The following ARSB variants were observed in gnomAD, a reference collection of about 807,000 sequenced individuals.
The protein encoded by ARSB is N-acetylgalactosamine-4-sulfatase.
A neutral mutation model predicts 50.9 loss-of-function variants in ARSB; 41 were observed. That is an observed-to-expected ratio of 0.81 (90% CI 0.63 to 1.04). ARSB has a LOEUF of 1.04. Among genes scored for constraint, ARSB ranks in the 50% least tolerant of loss-of-function variants. The probability of loss-of-function intolerance (pLI) is 0.00; values close to 1 mark genes in which losing one functional copy is unlikely to be tolerated. For missense variants in ARSB, 672 were observed against 693.3 expected (o/e 0.97, Z 0.35); for synonymous variants, 269 against 284.8 (o/e 0.94, Z 0.56).
chr5:78,920,086 G>A (rs1413038768), intron 4 of ARSB, among the ~76,000 whole-genome samples: 3 of 152,208 alleles, frequency 2.0e-5, no homozygotes, highest in African/African-American at 7.2e-5. Context: ...GAGATAGGAG[G>A]AGGGAATTTG....
intron 1 of ARSB, among the ~76,000 whole-genome samples, chr5:78,974,665 A>G (rs1752590144): frequency 2.0e-5 from 3 of 152,244 alleles, no homozygotes; most frequent in African/African-American, 7.2e-5. Flanking sequence ...ACTTAGCTCC[A>G]AACTTATTTC....
intron 4 of ARSB, among the ~76,000 whole-genome samples, chr5:78,922,502 A>G (rs540557313): frequency 6.6e-6 from 1 of 151,934 alleles, no homozygotes; most frequent in Admixed American, 6.5e-5. Context: ...AGCATTCATC[A>G]CCTGCTAACT....
Position 78,985,306 on chromosome 5 carries a change from A to G in ARSB, c.-58T>C, listed in dbSNP as rs954707546. 6 of 1,237,108 alleles carry G rather than the reference A, an allele frequency of 4.9e-6. No individual in the cohort carries two copies. Among genetic ancestry groups the G allele is most frequent in the Admixed American group, 8.6e-5 (2 of 23,302 alleles). 76.6% of individuals were successfully genotyped at this position (1,237,108 alleles called of 1,614,324 possible). On this transcript the variant is annotated 5_prime_UTR_variant, in exon 1 of 8. Transcript: ENST00000264914. ...GCCACCAGCCCCTTGTACCGCTGAT[A>G]GAATGAGGAACTGGGCTGCCGGGGC...
intron 5 of ARSB, among the ~76,000 whole-genome samples, chr5:78,870,734 AT>A (rs1747105462): frequency 6.7e-6 from 1 of 149,956 alleles, no homozygotes; most frequent in South Asian, 2.1e-4. Flanking sequence ...AACTGGAAGC[AT>A]TCCCTTTGAA....
At chr5:78,983,235 G>C (rs1325176514) in intron 1 of ARSB, among the ~76,000 whole-genome samples, 1 of 152,122 alleles carries the variant, frequency 6.6e-6, no homozygotes, top group Non-Finnish European at 1.5e-5. Context: ...TGTAGTTTTA[G>C]TAGAGACGGG....
At chr5:78,871,334 C>A (rs1444305350) in intron 5 of ARSB, among the ~76,000 whole-genome samples, 1 of 152,044 alleles carries the variant, frequency 6.6e-6, no homozygotes, top group African/African-American at 2.4e-5. Context: ...TCATATGGAA[C>A]CAAAAAAGAG....
chr5:78,909,069 G>C (rs1479037422), intron 4 of ARSB, among the ~76,000 whole-genome samples: 1 of 152,206 alleles, frequency 6.6e-6, no homozygotes, highest in African/African-American at 2.4e-5. Flanking sequence ...GAAAGGCAGT[G>C]ACATTTCATG....
At chr5:78,947,168 T>C (rs148939649) in intron 4 of ARSB, among the ~76,000 whole-genome samples, 275 of 152,260 alleles carry the variant, frequency 1.8e-3, no homozygotes, top group Admixed American at 3.8e-3. Flanking sequence ...ACACAAACTA[T>C]GCAACTACTA....
chr5:78,796,183 A>G (rs1743171269), intron 6 of ARSB, among the ~76,000 whole-genome samples: 1 of 152,240 alleles, frequency 6.6e-6, no homozygotes, highest in Non-Finnish European at 1.5e-5. Flanking sequence ...TTTAAATTTG[A>G]GTCTTGAAAA....
chr5:78,927,192 T>A (rs1750094354), intron 4 of ARSB, among the ~76,000 whole-genome samples: 1 of 152,244 alleles, frequency 6.6e-6, no homozygotes, highest in South Asian at 2.1e-4. Context: ...TAATATATTT[T>A]ATTCAACCCA....
chr5:78,852,707 A>G (rs1229448996), intron 5 of ARSB, among the ~76,000 whole-genome samples: 4 of 152,094 alleles, frequency 2.6e-5, no homozygotes, highest in African/African-American at 7.2e-5. Flanking sequence ...TCAGACGTAG[A>G]TTTGGTCTTT....
chr5:78,911,572 TAAAAA>T (rs71001137), intron 4 of ARSB, among the ~76,000 whole-genome samples: 38 of 67,824 alleles, frequency 5.6e-4, no homozygotes, highest in African/African-American at 1.7e-3. Flanking sequence ...AGACTCCCTC[TAAAAA>T]AAAAAAAAAA....
chr5:78,780,553 T>C lies in ARSB; in HGVS notation c.1446A>G (p.Glu482=), dbSNP rs35714924. The change falls in exon 8 of 8, where the codon GAA becomes GAG. Residue 482 remains glutamate, a synonymous_variant. Coordinates refer to ENST00000264914, the MANE Select transcript of ARSB (RefSeq NM_000046.5). Reference sequence around the variant, plus strand: ...ATTCTCTGGACAGGTCATGTCTTTCTTCAGGGTCCCGATCAATATCAAAGA... The same window carrying C: ...ATTCTCTGGACAGGTCATGTCTTTCCTCAGGGTCCCGATCAATATCAAAGA... The part of the protein sequence containing the change: ...LWLFDIDRDP[E]ERHDLSREYP... 2.1e-3 allele frequency: 3,429 copies of C among 1,614,140 alleles called. 71 individuals are homozygous for C. The African/African-American group carries it at 0.039, about 18-fold the overall frequency.
chr5:78,815,283 A>C (rs1743948294), intron 6 of ARSB, among the ~76,000 whole-genome samples: 1 of 150,622 alleles, frequency 6.6e-6, no homozygotes, highest in Non-Finnish European at 1.5e-5. Context: ...TTCCCTGTTG[A>C]CCTTCCCCAA....
chr5:78,984,840 C>G lies in ARSB; in HGVS notation c.312+97G>C, dbSNP rs1753082254. The G allele has an allele frequency of 3.8e-6, 4 of 1,042,862 alleles. No individual in the cohort carries two copies. The East Asian group carries it at 1.1e-4, about 30-fold the overall frequency. 64.6% of individuals were successfully genotyped at this position (1,042,862 alleles called of 1,614,324 possible). A position where few individuals can be genotyped will look rare whatever the true frequency, so the allele number is the denominator to read the frequency against. On this transcript the variant is annotated intron_variant, in intron 1 of 7. Coordinates refer to ENST00000264914, the MANE Select transcript of ARSB (RefSeq NM_000046.5). ...AACTGGGTCGGCGGTCCGAGCCCCG[C>G]CTGCCAGCGCCCGCGGCCTCAAGGG...
At chr5:78,821,089 G>C (rs895257483) in intron 6 of ARSB, among the ~76,000 whole-genome samples, 1 of 152,184 alleles carries the variant, frequency 6.6e-6, no homozygotes, top group African/African-American at 2.4e-5. Flanking sequence ...GGTCACCTCT[G>C]TGGAGGGGGA....
chr5:78,917,644 C>T (rs1177688042), intron 4 of ARSB, among the ~76,000 whole-genome samples: 3 of 152,162 alleles, frequency 2.0e-5, no homozygotes, highest in African/African-American at 7.2e-5. Flanking sequence ...TCCAGAGTAG[C>T]TCGGATTACA....
At chr5:78,802,535 T>G (rs1056276837) in intron 6 of ARSB, among the ~76,000 whole-genome samples, 3 of 151,976 alleles carry the variant, frequency 2.0e-5, no homozygotes, top group African/African-American at 7.3e-5. Context: ...TAGGGACAGA[T>G]AGAGAGTGGA....
chr5:78,858,599 A>G (rs909192464), intron 5 of ARSB, among the ~76,000 whole-genome samples: 4 of 152,244 alleles, frequency 2.6e-5, no homozygotes, highest in Non-Finnish European at 5.9e-5. Context: ...TACTTCTTTT[A>G]CCACTAACTG....
Sources: gnomAD v4.1 joint callset for allele counts (sites outside exome capture counted in the v4.1 genomes callset) on GRCh38, gnomAD v4.1.1 for gene constraint, MANE v1.5 for transcripts, NCBI Gene and HGNC (gene_info 2026-07-23, HGNC 2026-07-21) for gene names.